PXMP2: variants seen among roughly 807,000 people sequenced by gnomAD.
PXMP2 encodes the protein peroxisomal membrane protein 2, also known as 22 kDa peroxisomal membrane protein.
PXMP2 carries 13 observed loss-of-function variants against 20.2 expected under a neutral mutation model. The observed-to-expected ratio is 0.64, with a 90% CI of 0.42 to 1.02. PXMP2 has a LOEUF of 1.02. Among genes scored for constraint, PXMP2 ranks in the 50% least tolerant of loss-of-function variants. PXMP2 has a pLI of 0.00. For missense variants in PXMP2, 284 were observed against 251.8 expected, an observed-to-expected ratio of 1.13 and a Z score of -0.87; for synonymous variants, 113 against 111.2, an observed-to-expected ratio of 1.02 and a Z score of -0.10.
In PXMP2 at chr12:132,687,712, C is replaced by T; in HGVS notation, c.42C>T (p.Leu14=). 1 of 1,204,364 alleles carries T rather than the reference C, an allele frequency of 8.3e-7. No individual in the cohort carries two copies. The highest frequency in any genetic ancestry group is 1.0e-6 in the Non-Finnish European group (1 of 970,548). The allele number at this position is 1,204,364 out of a possible 1,614,324, so 74.6% of individuals were successfully genotyped here. A position where few individuals can be genotyped will look rare whatever the true frequency, so the allele number is the denominator to read the frequency against. The change falls in exon 1 of 5, where the codon CTC becomes CTT. Residue 14 remains leucine, a synonymous_variant. Coordinates refer to ENST00000317479, the MANE Select transcript of PXMP2 (RefSeq NM_018663.3). ...CCAGGCTGCGGGCCGAAGCCGGGCT[C>T]GGGGCGCTGCCGCGGCGGGCGCTCG... is the stretch of plus-strand genomic sequence containing the variant. ...AASRLRAEAG[L]GALPRRALAQ...
At position 132,695,899 on chromosome 12, in the gene PXMP2, G is replaced by A; in HGVS notation, c.252G>A (p.Gly84=). 1.2e-6 allele frequency: 2 copies of A among 1,607,598 alleles called. No homozygotes were observed. Among genetic ancestry groups the A allele is most frequent in the Non-Finnish European group, 1.7e-6 (2 of 1,176,676 alleles). Residue 84 remains glycine, a synonymous_variant, in exon 3 of 5, where the codon GGG becomes GGA. Coordinates refer to ENST00000317479, the MANE Select transcript of PXMP2 (RefSeq NM_018663.3). The stretch of plus-strand genomic sequence containing the variant: ...GGGGCCTCAGGTTCTTCTTCACAGG[G>A]CCGCTGAGTCACTTCTTCTACTTCT... The part of the protein sequence containing the change: ...RYAVYGFFFT[G]PLSHFFYFFM...
chr12:132,698,235 C>G (rs944802436), intron 3 of PXMP2, among the ~76,000 whole-genome samples: 3 of 152,090 alleles, frequency 2.0e-5, no homozygotes, highest in African/African-American at 7.2e-5. Context: ...TGGTATTGAA[C>G]TCCTGACCTC....
intron 3 of PXMP2, among the ~76,000 whole-genome samples, chr12:132,698,105 G>A (rs971577466): frequency 6.6e-6 from 1 of 151,790 alleles, no homozygotes; most frequent in African/African-American, 2.4e-5. Context: ...TCGCCTCTTG[G>A]GTTCAAGCAA....
In PXMP2 at chr12:132,696,135, C is replaced by A; in HGVS notation, c.399+89C>A. The A allele has an allele frequency of 7.2e-7, 1 of 1,387,466 alleles. No homozygotes were observed. The highest frequency in any genetic ancestry group is 9.6e-7 in the Non-Finnish European group (1 of 1,039,656). The allele number at this position is 1,387,466 out of a possible 1,614,324, so 85.9% of individuals were successfully genotyped here. Reference sequence around the variant, plus strand: ...TTCTCGGCAGAATTCAGAGGGTCTGCAGATTTTTCACTCAAATTGAAATTT... The same window carrying A: ...TTCTCGGCAGAATTCAGAGGGTCTGAAGATTTTTCACTCAAATTGAAATTT... On this transcript the variant is annotated intron_variant, in intron 3 of 4. Coordinates refer to ENST00000317479, the MANE Select transcript of PXMP2 (RefSeq NM_018663.3). The surrounding 1 kb of genome is among the most constrained non-coding windows in gnomAD (Gnocchi z 4.4).
At chr12:132,700,627 T>G (rs2043433826) in intron 3 of PXMP2, among the ~76,000 whole-genome samples, 1 of 152,218 alleles carries the variant, frequency 6.6e-6, no homozygotes, top group South Asian at 2.1e-4. Flanking sequence ...GGCTGTAGAC[T>G]GTCTGTTGAT....
intron 4 of PXMP2, among the ~76,000 whole-genome samples, chr12:132,704,060 G>C (rs550557305): frequency 6.6e-6 from 1 of 152,194 alleles, no homozygotes; most frequent in Non-Finnish European, 1.5e-5. Context: ...TGTGCGCCAT[G>C]CTGCTAGACT....
At chr12:132,694,784 G>A (rs1391394131) in intron 2 of PXMP2, among the ~76,000 whole-genome samples, 3 of 143,182 alleles carry the variant, frequency 2.1e-5, no homozygotes, top group Non-Finnish European at 3.0e-5. Flanking sequence ...TTGCCAGTTA[G>A]TTAGTGAGCG....
At chr12:132,694,103 G>GAGCTCCCTTGTT (rs2043392206) in intron 2 of PXMP2, among the ~76,000 whole-genome samples, 1 of 48,250 alleles carries the variant, frequency 2.1e-5, no homozygotes, top group African/African-American at 5.4e-5. Flanking sequence ...GCCAGTTAGT[G>GAGCTCCCTTGTT]AGCGCCCTTG....
chr12:132,695,178 C>T (rs969580440), intron 2 of PXMP2, among the ~76,000 whole-genome samples: 9 of 150,956 alleles, frequency 6.0e-5, no homozygotes, highest in African/African-American at 2.0e-4. Context: ...AGTTAGTGAG[C>T]GCCCTTGACA....
chr12:132,694,315 T>TCCCTTAGTCAGTTAGTTAGTGAGCG (rs1565991353), intron 2 of PXMP2, among the ~76,000 whole-genome samples: 1 of 97,340 alleles, frequency 1.0e-5, no homozygotes, highest in African/African-American at 3.6e-5. Context: ...GTTAGTGAGC[T>TCCCTTAGTCAGTTAGTTAGTGAGCG]CCCTTAGTCA....
chr12:132,690,374 C>T lies in PXMP2; in HGVS notation c.234C>T (p.Tyr78=), dbSNP rs371836973. The part of the protein sequence containing the change: ...DVGGPLRYAV[Y]GFFFTGPLSH... The stretch of plus-strand genomic sequence containing the variant: ...GTGGGCCTCTGAGATATGCCGTTTA[C>T]GGGTGAGTGCCATACAAGGGGTGGG... Residue 78 remains tyrosine, a splice_region_variant and synonymous_variant, in exon 2 of 5, where the codon TAC becomes TAT. Transcript: ENST00000317479. 10 of 1,610,594 alleles carry T rather than the reference C, an allele frequency of 6.2e-6. No homozygotes were observed. The highest frequency in any genetic ancestry group is 2.7e-5 in the African/African-American group (2 of 74,824).
intron 3 of PXMP2, among the ~76,000 whole-genome samples, chr12:132,700,619 C>A (rs770027502): frequency 1.3e-5 from 2 of 152,148 alleles, no homozygotes; most frequent in African/African-American, 2.4e-5. Flanking sequence ...TTTTCCCAGG[C>A]TGTAGACTGT....
chr12:132,692,749 T>C (rs1289922087), intron 2 of PXMP2, among the ~76,000 whole-genome samples: 1 of 108,586 alleles, frequency 9.2e-6, no homozygotes, highest in East Asian at 2.6e-4. Flanking sequence ...CTTAGCCAGT[T>C]AGTGAGCTCC....
At chr12:132,695,652 C>T (rs1306283744) in intron 2 of PXMP2, among the ~76,000 whole-genome samples, 1 of 152,238 alleles carries the variant, frequency 6.6e-6, no homozygotes, top group Non-Finnish European at 1.5e-5. Context: ...GCCAACATAG[C>T]TAGGCGGGGA....
chr12:132,693,996 A>T (rs2043390816), intron 2 of PXMP2, among the ~76,000 whole-genome samples: 1 of 102,448 alleles, frequency 9.8e-6, no homozygotes, highest in African/African-American at 3.4e-5. Flanking sequence ...CTCCCTTGCC[A>T]GTTAGTTAGT....
At chr12:132,700,127 C>T (rs961559523) in intron 3 of PXMP2, among the ~76,000 whole-genome samples, 4 of 151,712 alleles carry the variant, frequency 2.6e-5, no homozygotes, top group Admixed American at 2.0e-4. Flanking sequence ...CCGCAACCTC[C>T]GCCTCCCGGG....
chr12:132,690,312 A>C lies in PXMP2; in HGVS notation c.172A>C (p.Lys58Gln), dbSNP rs200980563. 2 of 1,614,054 alleles carry C rather than the reference A, an allele frequency of 1.2e-6. No homozygotes were observed. Among genetic ancestry groups the C allele is most frequent in the East Asian group, 2.2e-5 (1 of 44,876 alleles). Reference protein sequence around the residue: ...GNFLAQMIEKKRKKENSRSLD... With the variant: ...GNFLAQMIEKQRKKENSRSLD... ...CTTCCTGGCCCAGATGATTGAGAAG[A>C]AGCGGAAAAAAGAAAACTCTAGAAG... Residue 58 changes from lysine (K) to glutamine (Q), a missense_variant, in exon 2 of 5, where the codon AAG (lysine) becomes CAG (glutamine). Coordinates refer to ENST00000317479, the MANE Select transcript of PXMP2 (RefSeq NM_018663.3).
intron 3 of PXMP2, among the ~76,000 whole-genome samples, chr12:132,699,526 C>CTTTTTTTTT (rs67730658): frequency 9.9e-6 from 1 of 100,522 alleles, no homozygotes; most frequent in African/African-American, 3.9e-5. Flanking sequence ...AAAAGACATG[C>CTTTTTTTTT]TTTTTTTTTT....
At chr12:132,701,964 C>A (rs1011946465) in intron 4 of PXMP2, among the ~76,000 whole-genome samples, 7 of 152,158 alleles carry the variant, frequency 4.6e-5, no homozygotes, top group Non-Finnish European at 1.0e-4. Flanking sequence ...GTGGCAGGTG[C>A]CTGTAGTCCC....
Sources: gnomAD v4.1 joint callset for allele counts (sites outside exome capture counted in the v4.1 genomes callset) on GRCh38, gnomAD v4.1.1 for gene constraint, Gnocchi (gnomAD v3.1) non-coding constraint, MANE v1.5 for transcripts, NCBI Gene and HGNC (gene_info 2026-07-23, HGNC 2026-07-21) for gene names.